NOP58: variants seen among roughly 807,000 people sequenced by gnomAD.
NOP58 encodes nucleolar protein 58.
A neutral mutation model predicts 71.2 loss-of-function variants in NOP58; 44 were observed. The ratio of observed to expected loss-of-function variants is 0.62; its 90% CI spans 0.49 to 0.79. The LOEUF is 0.79. NOP58 is among the 30% of genes least tolerant of loss of function. NOP58 has a pLI of 0.00. For missense variants in NOP58, 538 were observed against 620.2 expected (o/e 0.87, Z 1.41); for synonymous variants, 228 against 200.3 (o/e 1.14, Z -1.17).
In NOP58 at chr2:202,300,378, A is replaced by T. The variant is rs538397937; in HGVS notation, c.1402+11A>T. Reference sequence around the variant, plus strand: ...AGATTAAAGTTAAAGGTTAGTTTGAATTTTTTTTTTAACACAACTTATACT... The same window carrying T: ...AGATTAAAGTTAAAGGTTAGTTTGATTTTTTTTTTTAACACAACTTATACT... On this transcript the variant is annotated intron_variant, in intron 13 of 14. Transcript: ENST00000264279. 6 of 1,478,040 alleles carry T rather than the reference A, an allele frequency of 4.1e-6. 1 individual carries two copies. The highest frequency in any genetic ancestry group is 2.6e-5 in the South Asian group (2 of 77,548). 91.6% of individuals were successfully genotyped at this position (1,478,040 alleles called of 1,614,324 possible). A position where few individuals can be genotyped will look rare whatever the true frequency, so the allele number is the denominator to read the frequency against.
chr2:202,274,832 G>A (rs1688565010), intron 1 of NOP58, among the ~76,000 whole-genome samples: 1 of 152,222 alleles, frequency 6.6e-6, no homozygotes, highest in African/African-American at 2.4e-5. Flanking sequence ...GCCCAAGGCT[G>A]GGGCAGGAAT....
At chr2:202,293,158 GT>G (rs750830157) in intron 9 of NOP58, 3 of 666,366 alleles carry the variant, frequency 4.5e-6, no homozygotes, top group Non-Finnish European at 5.6e-6. Flanking sequence ...TTAGAAGTTT[GT>G]TAGGGTTAAT....
Position 202,297,911 on chromosome 2 carries a change from G to A in NOP58, c.1268+5G>A, listed in dbSNP as rs1229881127. 1.9e-6 allele frequency: 3 copies of A among 1,546,464 alleles called. No individual in the cohort carries two copies. Among genetic ancestry groups the A allele is most frequent in the Non-Finnish European group, 2.6e-6 (3 of 1,136,990 alleles). On this transcript the variant is annotated splice_donor_5th_base_variant and intron_variant, in intron 12 of 14. Coordinates refer to ENST00000264279, the MANE Select transcript of NOP58 (RefSeq NM_015934.5). The stretch of plus-strand genomic sequence containing the variant: ...AGAAAAATATGAACACAAAAGGTGA[G>A]TACATTTAAGTGAGGATGGGGTGAA...
chr2:202,283,104 T>C lies in NOP58; in HGVS notation c.297+632T>C, dbSNP rs536955633. 9.9e-5 allele frequency among the ~76,000 whole-genome samples: 15 copies of C among 152,242 alleles called. No individual in the cohort carries two copies. The East Asian group carries it at 2.9e-3, about 29-fold the overall frequency. On this transcript the variant is annotated intron_variant, in intron 4 of 14. Transcript: ENST00000264279. ...GGCAGGCGCCTGTAGTCCCAGCTAA[T>C]TGGGAGTGCAGTGGCGCAGTCTCAC...
chr2:202,268,145 A>G (rs1688448013), intron 1 of NOP58, among the ~76,000 whole-genome samples: 1 of 152,212 alleles, frequency 6.6e-6, no homozygotes. Context: ...TAAAATTAAT[A>G]TGATATATGG....
At chr2:202,287,757 G>A (rs1688818115) in intron 6 of NOP58, 33 bp downstream of exon 6, 1 of 1,462,028 alleles carries the variant, frequency 6.8e-7, no homozygotes, top group African/African-American at 1.4e-5. Context: ...CCGATTTGTT[G>A]CTCTGTCCTT....
rs1443381431 is a variant in NOP58 at position 202,276,407 on chromosome 2, A to T, written c.122+1218A>T. The T allele has an allele frequency of 1.6e-4, 76 of 488,504 alleles. 1 individual carries two copies. Among genetic ancestry groups the T allele is most frequent in the Admixed American group, 1.5e-3 (75 of 49,322 alleles). 30.3% of individuals were successfully genotyped at this position (488,504 alleles called of 1,614,324 possible). On this transcript the variant is annotated intron_variant, in intron 2 of 14. Coordinates refer to ENST00000264279, the MANE Select transcript of NOP58 (RefSeq NM_015934.5). ...GACTAGTTTTCCTTCTTAAAGGGTT[A>T]TATGCTTTGTTGGGTTAATCTGATT...
At chr2:202,297,353 T>G (rs758940161) in intron 10 of NOP58, 26 bp from the exon 11 acceptor site, 1 of 1,605,566 alleles carries the variant, frequency 6.2e-7, no homozygotes, top group Non-Finnish European at 8.5e-7. Flanking sequence ...GAACATGGAA[T>G]ATAGTTCTTC....
At chr2:202,303,203 T>C (rs969027582) in intron 14 of NOP58, 146 bp downstream of exon 14, 24 of 1,316,560 alleles carry the variant, frequency 1.8e-5, no homozygotes, top group Non-Finnish European at 2.4e-5. Flanking sequence ...TTGTTGTATT[T>C]ATATTATAAA....
intron 4 of NOP58, among the ~76,000 whole-genome samples, chr2:202,283,347 A>T (rs1688737162): frequency 6.6e-6 from 1 of 151,918 alleles, no homozygotes; most frequent in African/African-American, 2.4e-5. Flanking sequence ...CCCCTGCCTT[A>T]GCCTTCCAAG....
At chr2:202,274,400 A>AT (rs1173477305) in intron 1 of NOP58, among the ~76,000 whole-genome samples, 2,891 of 104,602 alleles carry the variant, frequency 0.028, 79 homozygotes, top group East Asian at 0.053. Flanking sequence ...CTAATTTTGT[A>AT]TTTTTTTTTT....
chr2:202,270,848 G>C (rs1412141218), intron 1 of NOP58, among the ~76,000 whole-genome samples: 1 of 152,156 alleles, frequency 6.6e-6, no homozygotes, highest in Non-Finnish European at 1.5e-5. Flanking sequence ...CCAGCACTTT[G>C]GAAGGCTGGG....
At chr2:202,279,539 A>G (rs1406938119) in intron 3 of NOP58, among the ~76,000 whole-genome samples, 1 of 152,180 alleles carries the variant, frequency 6.6e-6, no homozygotes, top group Admixed American at 6.6e-5. Flanking sequence ...GGCTCATGCC[A>G]GGAATCCCAG....
chr2:202,297,612 CTTA>C, intron 11 of NOP58, 99 bp downstream of exon 11: 1 of 1,217,140 alleles, frequency 8.2e-7, no homozygotes, highest in African/African-American at 1.5e-5. Flanking sequence ...TTTTATGATA[CTTA>C]TTAGTATGTC....
At chr2:202,297,358 T>C in intron 10 of NOP58, 21 bp from the exon 11 acceptor site, 1 of 1,607,314 alleles carries the variant, frequency 6.2e-7, no homozygotes, top group Non-Finnish European at 8.5e-7. Context: ...TGGAATATAG[T>C]TCTTCATGTT....
intron 9 of NOP58, among the ~76,000 whole-genome samples, chr2:202,295,374 C>T (rs1341253587): frequency 2.0e-5 from 3 of 152,126 alleles, no homozygotes; most frequent in African/African-American, 7.2e-5. Flanking sequence ...TATGTCACTC[C>T]TGTAGTATAC....
intron 1 of NOP58, among the ~76,000 whole-genome samples, chr2:202,269,337 T>TG (rs1688476176): frequency 3.6e-5 from 2 of 55,880 alleles, no homozygotes; most frequent in South Asian, 2.0e-3. Context: ...ATGCCTGGCC[T>TG]AAATTTTTTT....
intron 8 of NOP58, among the ~76,000 whole-genome samples, chr2:202,291,968 CTTTTTTTTTTTTTTTTT>C (rs869075798): frequency 0.015 from 651 of 43,950 alleles, 6 homozygotes; most frequent in African/African-American, 0.053. Flanking sequence ...TGCTCAGAAT[CTTTTTTTTTTTTTTTTT>C]TTTTTTTTTT....
chr2:202,269,093 AT>A lies in NOP58; in HGVS notation c.45+3108del, dbSNP rs374184359. 7.6e-3 allele frequency among the ~76,000 whole-genome samples: 1,141 copies of A among 150,574 alleles called. 12 individuals are homozygous for A. The highest frequency in any genetic ancestry group is 0.026 in the African/African-American group (1,061 of 40,918). ...CAGCCTTGGCCTCCTGGGTCAAGTG[AT>A]CCTCCCACCTCCTCCCGAGTAGCTG... On this transcript the variant is annotated intron_variant, in intron 1 of 14. Transcript: ENST00000264279.
Sources: gnomAD v4.1 joint callset for allele counts (sites outside exome capture counted in the v4.1 genomes callset) on GRCh38, gnomAD v4.1.1 for gene constraint, MANE v1.5 for transcripts, NCBI Gene and HGNC (gene_info 2026-07-23, HGNC 2026-07-21) for gene names.